Variants in LHFPL7 observed in about 807,000 individuals in gnomAD.
LHFPL7 encodes LHFPL tetraspan subfamily member 7 protein.
At chr22:24,945,728 C>T in the LHFPL7 span, among the ~76,000 whole-genome samples, 3 of 152,206 alleles carry the variant, frequency 2.0e-5, no homozygotes, top group Admixed American at 1.3e-4. Context: ...TGGGGACAAG[C>T]ACAGAGGAAG....
the LHFPL7 span, chr22:24,939,378 A>C: frequency 7.1e-6 from 5 of 703,014 alleles, no homozygotes; most frequent in East Asian, 1.3e-4. Context: ...ACTGAAGGTC[A>C]CGCAGCTCTG....
At chr22:24,935,527 A>G in the LHFPL7 span, 1 of 1,614,012 alleles carries the variant, frequency 6.2e-7, no homozygotes, top group Non-Finnish European at 8.5e-7. Flanking sequence ...GAGGCTTCGC[A>G]CACTTCCTTG....
the LHFPL7 span, among the ~76,000 whole-genome samples, chr22:24,943,774 C>T: frequency 1.3e-5 from 2 of 152,312 alleles, no homozygotes; most frequent in South Asian, 2.1e-4. Context: ...GGTCAGCTCT[C>T]ATGCCTGCCC....
At chr22:24,939,452 C>CCAA in the LHFPL7 span, 2 of 703,100 alleles carry the variant, frequency 2.8e-6, no homozygotes, top group Non-Finnish European at 5.2e-6. Context: ...AGGTCGGGGT[C>CCAA]TGGAACCAGG....
chr22:24,935,321 C>A, the LHFPL7 span: 2 of 1,608,678 alleles, frequency 1.2e-6, no homozygotes, highest in African/African-American at 1.3e-5. Flanking sequence ...TTGTGCTACT[C>A]CCAGGAGATT....
the LHFPL7 span, among the ~76,000 whole-genome samples, chr22:24,946,006 A>T: frequency 6.6e-6 from 1 of 152,178 alleles, no homozygotes; most frequent in South Asian, 2.1e-4. Context: ...CTTTGAAGAT[A>T]TGATTTAAAA....
At chr22:24,941,343 A>G in the LHFPL7 span, among the ~76,000 whole-genome samples, 2 of 151,440 alleles carry the variant, frequency 1.3e-5, no homozygotes, top group Non-Finnish European at 1.5e-5. Context: ...TAATTTTTGT[A>G]TTTTTAGTAG....
At chr22:24,935,733 C>T in the LHFPL7 span, 4 of 1,187,584 alleles carry the variant, frequency 3.4e-6, no homozygotes, top group African/African-American at 1.5e-5. Flanking sequence ...TTTATTGGCT[C>T]ATCTCTCCTT....
At chr22:24,944,749 T>C in the LHFPL7 span, among the ~76,000 whole-genome samples, 1 of 150,670 alleles carries the variant, frequency 6.6e-6, no homozygotes, top group African/African-American at 2.5e-5. Context: ...TATTTATTTA[T>C]TTATTTTGGT....
At chr22:24,938,293 G>A in the LHFPL7 span, 2 of 1,608,172 alleles carry the variant, frequency 1.2e-6, no homozygotes, top group Non-Finnish European at 1.7e-6. Context: ...GAGACCTGCA[G>A]GGAAGAGACA....
At chr22:24,942,615 C>A in the LHFPL7 span, among the ~76,000 whole-genome samples, 1 of 152,218 alleles carries the variant, frequency 6.6e-6, no homozygotes, top group Non-Finnish European at 1.5e-5. Flanking sequence ...AGAGGCCAAC[C>A]AACCACTCCA....
the LHFPL7 span, among the ~76,000 whole-genome samples, chr22:24,941,901 G>A: frequency 1.3e-5 from 2 of 152,046 alleles, no homozygotes; most frequent in East Asian, 1.9e-4. Flanking sequence ...TCCTGACCTC[G>A]TGATCCGCAC....
chr22:24,942,486 C>G, the LHFPL7 span, among the ~76,000 whole-genome samples: 2 of 152,344 alleles, frequency 1.3e-5, no homozygotes, highest in Middle Eastern at 3.4e-3. Flanking sequence ...AGCAGCTGAG[C>G]TGCCAACCAG....
chr22:24,938,183 G>A, the LHFPL7 span: 4 of 1,614,190 alleles, frequency 2.5e-6, no homozygotes, highest in African/African-American at 5.3e-5. Flanking sequence ...TTGGAACACT[G>A]CTTCTCCTTG....
chr22:24,939,816 C>T, the LHFPL7 span, among the ~76,000 whole-genome samples: 5 of 152,144 alleles, frequency 3.3e-5, no homozygotes, highest in African/African-American at 9.7e-5. Context: ...ACATTTGCCC[C>T]TCCACCTTCT....
At chr22:24,942,090 G>T in the LHFPL7 span, among the ~76,000 whole-genome samples, 282 of 152,128 alleles carry the variant, frequency 1.9e-3, 1 homozygote, top group African/African-American at 6.6e-3. Context: ...CTGCTTCCCG[G>T]GTTCATGCCG....
the LHFPL7 span, chr22:24,935,364 C>A: frequency 1.5e-5 from 25 of 1,613,520 alleles, no homozygotes; most frequent in South Asian, 2.6e-4. Context: ...AAAGATGATT[C>A]TCTCGGTGGC....
the LHFPL7 span, among the ~76,000 whole-genome samples, chr22:24,935,917 T>C: frequency 0.95 from 145,227 of 152,166 alleles, 69,373 homozygotes; most frequent in Middle Eastern, 1. Context: ...ATCCATCTGC[T>C]CACCCATCAT....
chr22:24,945,552 C>T, the LHFPL7 span, among the ~76,000 whole-genome samples: 283 of 152,238 alleles, frequency 1.9e-3, no homozygotes, highest in African/African-American at 6.3e-3. Context: ...TGACCTGGGA[C>T]GAAGAACCTG....
Sources: gnomAD v4.1 joint callset for allele counts (sites outside exome capture counted in the v4.1 genomes callset) on GRCh38, gnomAD v4.1.1 for gene constraint, MANE v1.5 for transcripts, NCBI Gene and HGNC (gene_info 2026-07-23, HGNC 2026-07-21) for gene names.